Variants in CLSPN observed in about 807,000 individuals in gnomAD.
The protein encoded by CLSPN is claspin homolog.
In CLSPN, 85 loss-of-function variants were observed where a neutral mutation model predicts 156.3. That is an observed-to-expected ratio of 0.54 (90% CI 0.46 to 0.65). The LOEUF (loss-of-function observed/expected upper bound fraction) is 0.65. CLSPN is among the 30% of genes least tolerant of loss of function. The pLI is 0.00. For missense variants in CLSPN, 1,407 were observed against 1,554.9 expected, an observed-to-expected ratio of 0.90 and a Z score of 1.60; for synonymous variants, 534 against 542.4, an observed-to-expected ratio of 0.98 and a Z score of 0.22.
rs758461012 is a variant in CLSPN at position 35,764,596 on chromosome 1, G to C, written c.252C>G (p.Ala84=). ...ASPEKTTYDS[A]EEENKENLYA... Reference sequence around the variant, plus strand: ...ATAAATTCTCTTTATTTTCCTCCTCGGCACTGTCATAGGTAGTTTTCTCTG... The same window carrying C: ...ATAAATTCTCTTTATTTTCCTCCTCCGCACTGTCATAGGTAGTTTTCTCTG... The change falls in exon 3 of 25, where the codon GCC becomes GCG. Residue 84 remains alanine (A), a synonymous_variant. Coordinates refer to ENST00000318121, the MANE Select transcript of CLSPN (RefSeq NM_022111.4). 2 of 1,613,486 alleles carry C rather than the reference G, an allele frequency of 1.2e-6. No individual in the cohort carries two copies. The highest frequency in any genetic ancestry group is 1.1e-5 in the South Asian group (1 of 91,044).
chr1:35,722,387 T>C (rs1453736675), intron 24 of CLSPN, among the ~76,000 whole-genome samples: 1 of 151,310 alleles, frequency 6.6e-6, no homozygotes, highest in African/African-American at 2.4e-5. Context: ...CCTGAGTAGC[T>C]GGGACTACAG....
chr1:35,734,677 CA>C lies in CLSPN; in HGVS notation c.*1818del, dbSNP rs71062891. ...TAGGTGACAGAGCCAGCCTATGTCT[CA>C]AAAAAAAAAAAAGAAAAGAAAAGAA... On this transcript the variant is annotated 3_prime_UTR_variant, in exon 25 of 25. Coordinates refer to ENST00000318121, the MANE Select transcript of CLSPN (RefSeq NM_022111.4). The C allele has an allele frequency of 1.2e-3, 788 of 659,680 alleles. No individual in the cohort carries two copies. The highest frequency in any genetic ancestry group is 2.5e-3 in the East Asian group (17 of 6,938). 40.9% of individuals were successfully genotyped at this position (659,680 alleles called of 1,614,324 possible).
rs148086568 is a variant in CLSPN at position 35,736,054 on chromosome 1, C to T, written c.*442G>A. 1,231 of 626,058 alleles carry T rather than the reference C, an allele frequency of 2.0e-3. 15 individuals are homozygous for T. In the African/African-American group the frequency reaches 0.022, roughly 11 times the overall value. 38.8% of individuals were successfully genotyped at this position (626,058 alleles called of 1,614,324 possible). On this transcript the variant is annotated 3_prime_UTR_variant, in exon 25 of 25. Coordinates refer to ENST00000318121, the MANE Select transcript of CLSPN (RefSeq NM_022111.4). ...CCAACATGGTGAAACCCCGTCTCTACTAAAAATACAAAAATTAGCTGGGCG... is the reference window on the plus strand; with the variant it reads ...CCAACATGGTGAAACCCCGTCTCTATTAAAAATACAAAAATTAGCTGGGCG...
chr1:35,743,503 A>G lies in CLSPN; in HGVS notation c.2994T>C (p.Phe998=). 6.2e-7 allele frequency: 1 copy of G among 1,613,862 alleles called. No homozygotes were observed. The highest frequency in any genetic ancestry group is 1.3e-5 in the African/African-American group (1 of 75,034). The change falls in exon 17 of 25, where the codon TTT becomes TTC. Residue 998 remains phenylalanine, a synonymous_variant. Coordinates refer to ENST00000318121, the MANE Select transcript of CLSPN (RefSeq NM_022111.4). The part of the protein sequence containing the change: ...DKEEEDEEEE[F]GDFRLVSNDN... Reference sequence around the variant, plus strand: ...CATTTGAAACAAGCCGAAAGTCTCCAAATTCCTCCTCCTCGTCTTCCTCTT... The same window carrying G: ...CATTTGAAACAAGCCGAAAGTCTCCGAATTCCTCCTCCTCGTCTTCCTCTT...
intron 14 of CLSPN, 66 bp from the exon 15 acceptor site, chr1:35,747,058 C>G (rs1641911246): frequency 8.1e-7 from 1 of 1,241,104 alleles, no homozygotes; most frequent in South Asian, 1.2e-5. Flanking sequence ...TGCGGTAGCT[C>G]ACGCCTGTAA....
chr1:35,745,577 G>A lies in CLSPN; in HGVS notation c.2855-15C>T. The A allele has an allele frequency of 6.5e-7, 1 of 1,533,772 alleles. No individual in the cohort carries two copies. The highest frequency in any genetic ancestry group is 9.0e-7 in the Non-Finnish European group (1 of 1,106,792). On this transcript the variant is annotated splice_polypyrimidine_tract_variant and intron_variant, in intron 15 of 24. Transcript: ENST00000318121. ...AGTGGAGGCATCTACATCACAACAA[G>A]GAAAAGATGTGTCACCAAGGAATGA...
intron 23 of CLSPN, 89 bp from the exon 24 acceptor site, chr1:35,737,164 G>A: frequency 7.2e-7 from 1 of 1,385,134 alleles, no homozygotes; most frequent in Non-Finnish European, 1.0e-6. Context: ...CCTAGATATT[G>A]AGGGTACATA....
chr1:35,733,573 A>G lies in CLSPN; in HGVS notation c.*2923T>C, dbSNP rs1418508117. On this transcript the variant is annotated 3_prime_UTR_variant, in exon 25 of 25. Transcript: ENST00000318121. The stretch of plus-strand genomic sequence containing the variant: ...AGTTCTCTTTTGCCCAGCAAGGGCT[A>G]CTTTGCCTTGGGAACTGTTTAGAGA... 1.0e-6 allele frequency: 1 copy of G among 985,330 alleles called. No homozygotes were observed. 61.0% of individuals were successfully genotyped at this position (985,330 alleles called of 1,614,324 possible). A position where few individuals can be genotyped will look rare whatever the true frequency, so the allele number is the denominator to read the frequency against.
intron 24 of CLSPN, among the ~76,000 whole-genome samples, chr1:35,726,606 G>GA (rs1049673945): frequency 1.3e-5 from 2 of 152,168 alleles, no homozygotes; most frequent in Non-Finnish European, 2.9e-5. Flanking sequence ...AAATAAAACT[G>GA]AAAATCAATA....
At chr1:35,726,478 T>C (rs1177453469) in intron 24 of CLSPN, among the ~76,000 whole-genome samples, 1 of 151,502 alleles carries the variant, frequency 6.6e-6, no homozygotes, top group Non-Finnish European at 1.5e-5. Context: ...TGCTGGGTGG[T>C]GGTGGTGGGG....
At chr1:35,742,549 T>C (rs1406339784) in intron 18 of CLSPN, among the ~76,000 whole-genome samples, 1 of 151,656 alleles carries the variant, frequency 6.6e-6, no homozygotes, top group Middle Eastern at 3.2e-3. Context: ...TTATTTTGTA[T>C]TTTGTATTTT....
intron 24 of CLSPN, among the ~76,000 whole-genome samples, chr1:35,724,621 A>T (rs539647438): frequency 6.6e-6 from 1 of 152,236 alleles, no homozygotes; most frequent in Admixed American, 6.5e-5. Flanking sequence ...TTGGGAACTT[A>T]GGCAAATCAA....
intron 10 of CLSPN, among the ~76,000 whole-genome samples, chr1:35,750,822 C>T (rs1054670344): frequency 6.6e-6 from 1 of 152,038 alleles, no homozygotes; most frequent in Non-Finnish European, 1.5e-5. Context: ...ACGAAAATAA[C>T]TCAGAAAGGC....
Position 35,747,938 on chromosome 1 carries a change from C to A in CLSPN, c.2596G>T (p.Asp866Tyr), listed in dbSNP as rs1057349166. 1.2e-6 allele frequency: 2 copies of A among 1,614,002 alleles called. No homozygotes were observed. The highest frequency in any genetic ancestry group is 2.7e-5 in the African/African-American group (2 of 74,932). The stretch of plus-strand genomic sequence containing the variant: ...GCATCCAACAGTTGGCTCTGAGTGT[C>A]ATCTTCTAAACAGAACTGGAAGTCT... ...AGDFQFCLEDDTQSQLLDADG... is the reference protein window; with the variant it reads ...AGDFQFCLEDYTQSQLLDADG... The change falls in exon 14 of 25, where the codon GAC becomes TAC. Residue 866 changes from aspartate to tyrosine, a missense_variant. Physicochemically the swap from Asp to Tyr is radical, Grantham distance 160. Around this residue, in one of 3 missense-constraint regions of CLSPN, gnomAD observed 1,096 missense variants for 1,193.0 expected, o/e 0.92. Coordinates refer to ENST00000318121, the MANE Select transcript of CLSPN (RefSeq NM_022111.4).
intron 1 of CLSPN, among the ~76,000 whole-genome samples, chr1:35,767,636 G>A (rs189783272): frequency 4.1e-4 from 62 of 152,316 alleles, no homozygotes; most frequent in African/African-American, 1.4e-3. Flanking sequence ...GACTATGTGT[G>A]TAAGGTATAT....
intron 8 of CLSPN, among the ~76,000 whole-genome samples, chr1:35,758,030 C>A (rs1191631844): frequency 1.3e-5 from 2 of 151,582 alleles, no homozygotes; most frequent in Non-Finnish European, 2.9e-5. Flanking sequence ...TTTAATGAGA[C>A]AAGGTGCTCT....
rs900323426 is a variant in CLSPN at position 35,734,271 on chromosome 1, T to G, written c.*2225A>C. 2.0e-6 allele frequency: 2 copies of G among 985,444 alleles called. No homozygotes were observed. The highest frequency in any genetic ancestry group is 1.0e-3 in the Middle Eastern group (2 of 1,914). 61.0% of individuals were successfully genotyped at this position (985,444 alleles called of 1,614,324 possible). ...AAATCTTCCCTTCAAGGCATTAAGA[T>G]TTATTGAAAAACTACATACATATTA... On this transcript the variant is annotated 3_prime_UTR_variant, in exon 25 of 25. Transcript: ENST00000318121.
intron 14 of CLSPN, among the ~76,000 whole-genome samples, chr1:35,747,498 T>C (rs1412833274): frequency 6.6e-6 from 1 of 152,082 alleles, no homozygotes; most frequent in Non-Finnish European, 1.5e-5. Flanking sequence ...AAGAATAAAA[T>C]GTTACTCAGA....
Position 35,732,331 on chromosome 1 carries a change from C to A in CLSPN, c.*4165G>T, listed in dbSNP as rs1248760278. 2 of 985,222 alleles carry A rather than the reference C, an allele frequency of 2.0e-6. No homozygotes were observed. The highest frequency in any genetic ancestry group is 6.2e-5 in the Admixed American group (1 of 16,252). The allele number at this position is 985,222 out of a possible 1,614,324, so 61.0% of individuals were successfully genotyped here. On this transcript the variant is annotated 3_prime_UTR_variant, in exon 25 of 25. Transcript: ENST00000318121. ...ATGCCACAAGAGTGATTAGACATAA[C>A]CCTAGGAGATAAAAACCAAAAACAC...
Sources: gnomAD v4.1 joint callset for allele counts (sites outside exome capture counted in the v4.1 genomes callset) on GRCh38, gnomAD v4.1.1 for gene constraint, gnomAD v4.1.1 regional missense constraint, MANE v1.5 for transcripts, NCBI Gene and HGNC (gene_info 2026-07-23, HGNC 2026-07-21) for gene names.